UTRN: variants seen among roughly 807,000 people sequenced by gnomAD.
UTRN encodes the protein utrophin.
A neutral mutation model predicts 463.9 loss-of-function variants in UTRN; 283 were observed. The observed-to-expected ratio is 0.61, with a 90% CI of 0.55 to 0.67. The LOEUF (loss-of-function observed/expected upper bound fraction) is 0.67. Ranked by LOEUF, UTRN falls within the 30% of genes least tolerant of loss-of-function variation. The probability of loss-of-function intolerance (pLI) is 0.00; values close to 1 mark genes in which losing one functional copy is unlikely to be tolerated. For missense variants in UTRN, 3,922 were observed against 4,084.3 expected, an observed-to-expected ratio of 0.96 and a Z score of 1.08; for synonymous variants, 1,442 against 1,431.5, an observed-to-expected ratio of 1.01 and a Z score of -0.17.
At chr6:144,346,162 A>G (rs535201809) in intron 2 of UTRN, among the ~76,000 whole-genome samples, 3 of 148,120 alleles carry the variant, frequency 2.0e-5, no homozygotes, top group Non-Finnish European at 3.0e-5. Context: ...TGGGTGAAAG[A>G]GCAAAACTCT....
At chr6:144,788,883 G>A (rs1307062900) in intron 61 of UTRN, among the ~76,000 whole-genome samples, 1 of 152,112 alleles carries the variant, frequency 6.6e-6, no homozygotes, top group Non-Finnish European at 1.5e-5. Context: ...ATTTTTAAAG[G>A]TGAAATCTTT....
chr6:144,318,769 T>C (rs1361588587), intron 2 of UTRN, among the ~76,000 whole-genome samples: 1 of 152,254 alleles, frequency 6.6e-6, no homozygotes, highest in Middle Eastern at 3.4e-3. Flanking sequence ...TGGCCTATAA[T>C]GTCTACTGAA....
At chr6:144,401,339 A>G (rs995392634) in intron 2 of UTRN, among the ~76,000 whole-genome samples, 4 of 152,152 alleles carry the variant, frequency 2.6e-5, no homozygotes, top group African/African-American at 9.7e-5. Context: ...TGAGGCTGGT[A>G]TATCCCCCCT....
chr6:144,591,453 A>G (rs948291798), intron 51 of UTRN, among the ~76,000 whole-genome samples: 6 of 152,160 alleles, frequency 3.9e-5, no homozygotes, highest in Non-Finnish European at 8.8e-5. Flanking sequence ...TGGATTATAG[A>G]TTAGGCTCTG....
chr6:144,630,492 G>A (rs2128654064), intron 51 of UTRN, among the ~76,000 whole-genome samples: 1 of 152,212 alleles, frequency 6.6e-6, no homozygotes, highest in Non-Finnish European at 1.5e-5. Context: ...AGTGTGTGAG[G>A]GGAACTCCCC....
Position 144,679,421 on chromosome 6 carries a change from C to CTTTTG in UTRN, c.7652+858_7652+862dup, listed in dbSNP as rs1173324743. 3.9e-5 allele frequency among the ~76,000 whole-genome samples: 6 copies of CTTTTG among 152,210 alleles called. 1 individual carries two copies. Among genetic ancestry groups the CTTTTG allele is most frequent in the Admixed American group, 3.3e-4 (5 of 15,272 alleles). On this transcript the variant is annotated intron_variant, in intron 52 of 74. Coordinates refer to ENST00000367545, the MANE Select transcript of UTRN (RefSeq NM_007124.3). The stretch of plus-strand genomic sequence containing the variant: ...ACATTGGCAGGAAGTCCTGGATCAG[C>CTTTTG]TTTTGTTTTGTTTTGTTTTTTGCCT...
chr6:144,777,004 A>T (rs1429753065), intron 60 of UTRN, among the ~76,000 whole-genome samples: 3 of 152,126 alleles, frequency 2.0e-5, no homozygotes, highest in Non-Finnish European at 4.4e-5. Flanking sequence ...TGGTTTAGGC[A>T]CTAAGGCAGA....
intron 63 of UTRN, among the ~76,000 whole-genome samples, chr6:144,795,126 G>C (rs1777096266): frequency 6.6e-6 from 1 of 152,054 alleles, no homozygotes; most frequent in East Asian, 1.9e-4. Flanking sequence ...GTGGTGTTTG[G>C]TTTTCTATTC....
chr6:144,516,670 A>G (rs1417570155), intron 38 of UTRN, 141 bp from the exon 39 acceptor site: 2 of 691,032 alleles, frequency 2.9e-6, no homozygotes, highest in African/African-American at 1.9e-5. Flanking sequence ...TAAAAAAAAC[A>G]TAAATTTTTT....
At chr6:144,287,025 C>T (rs1217030854) in intron 1 of UTRN, among the ~76,000 whole-genome samples, 1 of 152,100 alleles carries the variant, frequency 6.6e-6, no homozygotes, top group Non-Finnish European at 1.5e-5. Context: ...GCCGACCCTC[C>T]CGGCCGCCCG....
At chr6:144,792,385 T>C (rs575691141) in intron 62 of UTRN, among the ~76,000 whole-genome samples, 2 of 152,248 alleles carry the variant, frequency 1.3e-5, no homozygotes, top group South Asian at 4.1e-4. Flanking sequence ...CTGTCTCTAC[T>C]AAAAATACAA....
chr6:144,491,190 G>A (rs1249680130), intron 32 of UTRN, 88 bp downstream of exon 32: 2 of 1,278,174 alleles, frequency 1.6e-6, no homozygotes, highest in South Asian at 3.0e-5. Flanking sequence ...AGTGTGTCCA[G>A]TGATCACTAG....
chr6:144,475,339 A>G (rs1791080407), intron 25 of UTRN, among the ~76,000 whole-genome samples: 1 of 152,218 alleles, frequency 6.6e-6, no homozygotes, highest in African/African-American at 2.4e-5. Context: ...TCAGGCGTGG[A>G]GAATAGCAGG....
chr6:144,564,611 C>T (rs1800236017), intron 50 of UTRN, among the ~76,000 whole-genome samples: 2 of 152,114 alleles, frequency 1.3e-5, no homozygotes, highest in South Asian at 2.1e-4. Context: ...ACAATCATGG[C>T]GGAAGGTGAA....
chr6:144,292,686 C>T (rs672468), intron 2 of UTRN, among the ~76,000 whole-genome samples: 79,796 of 152,018 alleles, frequency 0.52, 22,783 homozygotes, highest in African/African-American at 0.76. Context: ...ACTTCTCAGC[C>T]TTGAAAATTA....
At chr6:144,421,178 T>G (rs1206471634) in intron 3 of UTRN, among the ~76,000 whole-genome samples, 1 of 152,132 alleles carries the variant, frequency 6.6e-6, no homozygotes, top group Non-Finnish European at 1.5e-5. Context: ...GGCTAATTTT[T>G]GTATTTTTAC....
At chr6:144,705,437 C>T (rs1349862782) in intron 53 of UTRN, among the ~76,000 whole-genome samples, 2 of 152,090 alleles carry the variant, frequency 1.3e-5, no homozygotes, top group Non-Finnish European at 2.9e-5. Flanking sequence ...GTTCTGAAGG[C>T]GGAGAAGTTC....
At chr6:144,717,933 C>T (rs1052587574) in intron 53 of UTRN, among the ~76,000 whole-genome samples, 1 of 152,058 alleles carries the variant, frequency 6.6e-6, no homozygotes, top group Admixed American at 6.6e-5. Context: ...CTGTGCCCAG[C>T]CTGAGCCACT....
rs370979598 is a variant in UTRN at position 144,330,310 on chromosome 6, C to G, written c.79+38403C>G. On this transcript the variant is annotated intron_variant, in intron 2 of 74. Transcript: ENST00000367545. Reference sequence around the variant, plus strand: ...AGAAAGATGCAGTCTGCATTTCACTCAGTAGTATTTCTTATCCTGATTGAA... The same window carrying G: ...AGAAAGATGCAGTCTGCATTTCACTGAGTAGTATTTCTTATCCTGATTGAA... 1.1e-4 allele frequency among the ~76,000 whole-genome samples: 17 copies of G among 152,272 alleles called. No homozygotes were observed. In the South Asian group the frequency reaches 3.5e-3, roughly 32 times the overall value.
Sources: gnomAD v4.1 joint callset for allele counts (sites outside exome capture counted in the v4.1 genomes callset) on GRCh38, gnomAD v4.1.1 for gene constraint, MANE v1.5 for transcripts, NCBI Gene and HGNC (gene_info 2026-07-23, HGNC 2026-07-21) for gene names.